Variants in SLC35F2 observed in about 807,000 individuals in gnomAD.
The protein encoded by SLC35F2 is queuine/queuosine transporter SLC35F2.
In SLC35F2, 25 loss-of-function variants were observed where a neutral mutation model predicts 38.1. The observed-to-expected ratio is 0.66, with a 90% confidence interval of 0.48 to 0.92. SLC35F2 has a LOEUF of 0.92. SLC35F2 is among the 40% of genes least tolerant of loss of function. The pLI, the probability that SLC35F2 is intolerant of heterozygous loss-of-function variation, is 0.00. For synonymous variants in SLC35F2, 173 were observed against 181.7 expected (o/e 0.95, Z 0.38); for missense variants, 409 against 452.9 (o/e 0.90, Z 0.88).
At chr11:107,835,307 A>C (rs1016884738) in intron 1 of SLC35F2, among the ~76,000 whole-genome samples, 7 of 152,120 alleles carry the variant, frequency 4.6e-5, no homozygotes, top group African/African-American at 1.4e-4. Flanking sequence ...TTTTTTCAAG[A>C]GAGGACTTTG....
intron 7 of SLC35F2, among the ~76,000 whole-genome samples, chr11:107,799,222 G>A (rs1177695568): frequency 6.6e-6 from 1 of 152,150 alleles, no homozygotes; most frequent in African/African-American, 2.4e-5. Context: ...GTAAAAATCT[G>A]ATCTAAGAAT....
At chr11:107,843,649 G>T (rs1188733732) in intron 1 of SLC35F2, among the ~76,000 whole-genome samples, 1 of 151,340 alleles carries the variant, frequency 6.6e-6, no homozygotes, top group Non-Finnish European at 1.5e-5. Flanking sequence ...TGAGCCAGGT[G>T]TTCAAGATCA....
intron 2 of SLC35F2, among the ~76,000 whole-genome samples, chr11:107,815,272 G>A (rs893866371): frequency 6.6e-6 from 1 of 151,406 alleles, no homozygotes; most frequent in African/African-American, 2.4e-5. Context: ...TTTTTAGGTT[G>A]GGTCCAGTGG....
intron 1 of SLC35F2, among the ~76,000 whole-genome samples, chr11:107,825,027 T>A (rs1423655013): frequency 6.6e-6 from 1 of 151,792 alleles, no homozygotes; most frequent in Non-Finnish European, 1.5e-5. Flanking sequence ...TAGCCATATA[T>A]GGAGAATGGC....
Position 107,823,980 on chromosome 11 carries a change from T to C in SLC35F2, c.111-8015A>G, listed in dbSNP as rs535537387. On this transcript the variant is annotated intron_variant, in intron 1 of 7. Transcript: ENST00000525815. ...AGAAATAAATTATAAGTAGCTTTTC[T>C]TTACATAGTGAGTAGCAGCCAAGAT... The C allele has an allele frequency of 3.1e-6, 3 of 983,408 alleles. No homozygotes were observed. In the African/African-American group the frequency reaches 5.2e-5, roughly 17 times the overall value. 60.9% of individuals were successfully genotyped at this position (983,408 alleles called of 1,614,324 possible).
At chr11:107,837,125 T>A (rs1859942002) in intron 1 of SLC35F2, among the ~76,000 whole-genome samples, 1 of 152,190 alleles carries the variant, frequency 6.6e-6, no homozygotes, top group Non-Finnish European at 1.5e-5. Flanking sequence ...TTTATTCTTA[T>A]GCATTATGTC....
chr11:107,817,148 C>A (rs1028738433), intron 1 of SLC35F2, among the ~76,000 whole-genome samples: 1 of 151,882 alleles, frequency 6.6e-6, no homozygotes, highest in South Asian at 2.1e-4. Flanking sequence ...TGGTGGCAGG[C>A]GCCTGTAATC....
At chr11:107,842,579 G>C (rs1476098721) in intron 1 of SLC35F2, among the ~76,000 whole-genome samples, 1 of 152,078 alleles carries the variant, frequency 6.6e-6, no homozygotes, top group Non-Finnish European at 1.5e-5. Context: ...GAATGCAGTG[G>C]CGCAATCTCA....
chr11:107,812,193 A>C (rs191686635), intron 2 of SLC35F2, among the ~76,000 whole-genome samples: 1 of 152,308 alleles, frequency 6.6e-6, no homozygotes, highest in East Asian at 1.9e-4. Context: ...GGCGTGAGCT[A>C]CCACGCCTGG....
intron 2 of SLC35F2, among the ~76,000 whole-genome samples, chr11:107,813,419 G>A (rs994009371): frequency 5.9e-5 from 9 of 152,122 alleles, no homozygotes; most frequent in East Asian, 1.9e-4. Flanking sequence ...ACCTGAAATC[G>A]TGCCACTGCA....
At chr11:107,828,229 G>A (rs922314414) in intron 1 of SLC35F2, among the ~76,000 whole-genome samples, 6 of 152,076 alleles carry the variant, frequency 3.9e-5, no homozygotes, top group African/African-American at 1.4e-4. Flanking sequence ...GAGGTCAGAA[G>A]TTCAAGACCA....
intron 1 of SLC35F2, among the ~76,000 whole-genome samples, chr11:107,833,223 G>A (rs1479422572): frequency 1.3e-5 from 2 of 152,036 alleles, no homozygotes; most frequent in African/African-American, 4.8e-5. Flanking sequence ...AGAAACTGAA[G>A]CTAAGAGAGT....
chr11:107,793,882 A>C (rs968799939), intron 7 of SLC35F2, among the ~76,000 whole-genome samples: 2 of 152,104 alleles, frequency 1.3e-5, no homozygotes, highest in East Asian at 1.9e-4. Context: ...ACCTTCCCCA[A>C]CTTTCCCCTT....
chr11:107,817,522 G>A (rs1477790455), intron 1 of SLC35F2, among the ~76,000 whole-genome samples: 1 of 152,008 alleles, frequency 6.6e-6, no homozygotes, highest in African/African-American at 2.4e-5. Flanking sequence ...TGTTCTGAGT[G>A]TTAATATGAT....
In SLC35F2 at chr11:107,792,814, A is replaced by G; in HGVS notation, c.940-14T>C. The G allele has an allele frequency of 6.5e-7, 1 of 1,547,080 alleles. No individual in the cohort carries two copies. Among genetic ancestry groups the G allele is most frequent in the Non-Finnish European group, 8.7e-7 (1 of 1,142,894 alleles). ...GAGTCCTGAAAACTAGAAGGGAAGA[A>G]CAGGCAGTGAATTGTGCCCCTCACA... is the stretch of plus-strand genomic sequence containing the variant. On this transcript the variant is annotated splice_polypyrimidine_tract_variant and intron_variant, in intron 7 of 7. Transcript: ENST00000525815.
intron 1 of SLC35F2, among the ~76,000 whole-genome samples, chr11:107,838,343 A>G (rs1859961614): frequency 6.6e-6 from 1 of 152,124 alleles, no homozygotes; most frequent in South Asian, 2.1e-4. Flanking sequence ...TTTTCTTTTG[A>G]GATGGAGTTT....
At chr11:107,812,213 A>G (rs1859494315) in intron 2 of SLC35F2, among the ~76,000 whole-genome samples, 1 of 151,988 alleles carries the variant, frequency 6.6e-6, no homozygotes, top group South Asian at 2.1e-4. Context: ...GCTATTGTGT[A>G]TTTCTAATGT....
chr11:107,830,065 C>T (rs1859813793), intron 1 of SLC35F2, among the ~76,000 whole-genome samples: 1 of 151,264 alleles, frequency 6.6e-6, no homozygotes, highest in Non-Finnish European at 1.5e-5. Context: ...AGTTGGAGAC[C>T]AGCCTGGGCA....
intron 3 of SLC35F2, among the ~76,000 whole-genome samples, chr11:107,808,236 C>T (rs765005259): frequency 2.0e-5 from 3 of 152,142 alleles, no homozygotes; most frequent in Non-Finnish European, 4.4e-5. Flanking sequence ...CTCCCCCTCA[C>T]CTGTTGATAC....
Sources: allele counts gnomAD v4.1 joint callset (sites outside exome capture counted in the v4.1 genomes callset), GRCh38; gene constraint gnomAD v4.1.1; transcripts MANE v1.5; gene names NCBI Gene and HGNC (gene_info 2026-07-23, HGNC 2026-07-21).